The following MTUS2 variants were observed in gnomAD, a reference collection of about 807,000 sequenced individuals.
The protein encoded by MTUS2 is microtubule-associated tumor suppressor candidate 2.
A neutral mutation model predicts 114.1 loss-of-function variants in MTUS2; 40 were observed. The ratio of observed to expected loss-of-function variants is 0.35; its 90% CI spans 0.27 to 0.46. MTUS2 has a LOEUF of 0.46. Ranked by LOEUF, MTUS2 falls within the 20% of genes least tolerant of loss-of-function variation. The probability of loss-of-function intolerance (pLI) is 1.00; values close to 1 mark genes in which losing one functional copy is unlikely to be tolerated. For missense variants in MTUS2, 1,679 were observed against 1,705.4 expected, an observed-to-expected ratio of 0.98 and a Z score of 0.27; for synonymous variants, 688 against 672.0, an observed-to-expected ratio of 1.02 and a Z score of -0.37.
intron 5 of MTUS2, among the ~76,000 whole-genome samples, chr13:29,161,765 C>G (rs1236325071): frequency 6.6e-6 from 1 of 152,256 alleles, no homozygotes; most frequent in African/African-American, 2.4e-5. Context: ...CCCCTGCTCC[C>G]TGACCTAGCA....
intron 5 of MTUS2, among the ~76,000 whole-genome samples, chr13:29,146,655 A>G (rs778274992): frequency 4.9e-4 from 74 of 152,226 alleles, no homozygotes; most frequent in Non-Finnish European, 8.8e-4. Context: ...AAATTATCCA[A>G]CAAGAAAGGC....
intron 9 of MTUS2, among the ~76,000 whole-genome samples, chr13:29,464,313 G>A (rs932202452): frequency 6.6e-6 from 1 of 152,254 alleles, no homozygotes; most frequent in Non-Finnish European, 1.5e-5. Flanking sequence ...CTAGCCAGGA[G>A]GGCACAGCCT....
At chr13:29,493,367 A>G (rs938338193) in intron 12 of MTUS2, among the ~76,000 whole-genome samples, 1 of 152,138 alleles carries the variant, frequency 6.6e-6, no homozygotes, top group African/African-American at 2.4e-5. Context: ...CCCCAGCCCC[A>G]TGGAAGAGCT....
chr13:29,244,011 T>C (rs977828913), intron 5 of MTUS2, among the ~76,000 whole-genome samples: 16 of 152,004 alleles, frequency 1.1e-4, no homozygotes, highest in African/African-American at 3.9e-4. Context: ...TGAACATGAG[T>C]ATGTTTGTAG....
chr13:29,286,392 G>A (rs561561795), intron 6 of MTUS2, among the ~76,000 whole-genome samples: 74 of 152,284 alleles, frequency 4.9e-4, no homozygotes, highest in Middle Eastern at 3.4e-3. Context: ...CTGGCCACAC[G>A]TAGCTCTTTG....
At chr13:28,960,288 A>T (rs577352226) in intron 2 of MTUS2, among the ~76,000 whole-genome samples, 62 of 152,342 alleles carry the variant, frequency 4.1e-4, no homozygotes, top group African/African-American at 1.4e-3. Flanking sequence ...GTGGGATTAT[A>T]AAATGGTACA....
At chr13:29,297,469 A>T (rs992055547) in intron 6 of MTUS2, among the ~76,000 whole-genome samples, 2 of 152,186 alleles carry the variant, frequency 1.3e-5, no homozygotes, top group Non-Finnish European at 1.5e-5. Flanking sequence ...CCCTAGTCAT[A>T]CAACTTCTTT....
chr13:29,125,003 G>A (rs1400381008), intron 5 of MTUS2, among the ~76,000 whole-genome samples: 1 of 152,214 alleles, frequency 6.6e-6, no homozygotes, highest in Non-Finnish European at 1.5e-5. Flanking sequence ...AAATTCTGGA[G>A]ATGGATGGTT....
intron 7 of MTUS2, among the ~76,000 whole-genome samples, chr13:29,332,643 TTTTTTTTC>T (rs944645091): frequency 3.1e-5 from 3 of 96,324 alleles, no homozygotes; most frequent in Non-Finnish European, 5.3e-5. Context: ...CTTTTTTTTT[TTTTTTTTC>T]GGACACAGAG....
intron 8 of MTUS2, among the ~76,000 whole-genome samples, chr13:29,426,163 C>T (rs374466278): frequency 2.0e-5 from 3 of 152,138 alleles, no homozygotes; most frequent in Non-Finnish European, 4.4e-5. Flanking sequence ...AGCTGTTTGC[C>T]TCCGGATAAA....
At chr13:29,307,619 T>C (rs1899536164) in intron 6 of MTUS2, 8 of 1,168,406 alleles carry the variant, frequency 6.8e-6, no homozygotes, top group Non-Finnish European at 1.0e-5. Context: ...GAGTACCAGC[T>C]TGTCTCCTCT....
chr13:29,102,389 A>T (rs1310289825), intron 5 of MTUS2, among the ~76,000 whole-genome samples: 11 of 152,240 alleles, frequency 7.2e-5, no homozygotes, highest in African/African-American at 2.7e-4. Flanking sequence ...CCTCAAGGCA[A>T]GATGAGCCAT....
intron 9 of MTUS2, among the ~76,000 whole-genome samples, chr13:29,460,061 A>G (rs774859876): frequency 6.6e-6 from 1 of 152,222 alleles, no homozygotes; most frequent in Non-Finnish European, 1.5e-5. Context: ...CTGAATGCCA[A>G]TGAAATATCA....
chr13:29,374,131 A>G (rs576448816), intron 8 of MTUS2, among the ~76,000 whole-genome samples: 4 of 151,938 alleles, frequency 2.6e-5, no homozygotes, highest in Admixed American at 1.3e-4. Flanking sequence ...AAGATAGATC[A>G]GTAGAAATTG....
At chr13:29,474,879 TTCTG>T (rs1880580071) in intron 9 of MTUS2, among the ~76,000 whole-genome samples, 1 of 152,226 alleles carries the variant, frequency 6.6e-6, no homozygotes, top group African/African-American at 2.4e-5. Flanking sequence ...TTTATATGTG[TTCTG>T]TCTGTTTTAT....
intron 8 of MTUS2, among the ~76,000 whole-genome samples, chr13:29,374,036 G>A (rs1257512686): frequency 6.6e-6 from 1 of 152,068 alleles, no homozygotes; most frequent in East Asian, 1.9e-4. Flanking sequence ...ATACACAGAA[G>A]AAACAAGTGG....
chr13:29,223,688 T>G (rs960048120), intron 5 of MTUS2, among the ~76,000 whole-genome samples: 2 of 152,182 alleles, frequency 1.3e-5, no homozygotes, highest in African/African-American at 4.8e-5. Context: ...CCAAAAGAAC[T>G]GTAACACAAA....
At chr13:29,327,364 T>C (rs1397457891) in intron 7 of MTUS2, among the ~76,000 whole-genome samples, 1 of 152,122 alleles carries the variant, frequency 6.6e-6, no homozygotes, top group Non-Finnish European at 1.5e-5. Context: ...CCTTCCAAGT[T>C]TCCTGGGACC....
intron 9 of MTUS2, among the ~76,000 whole-genome samples, chr13:29,447,517 G>T (rs758682964): frequency 1.3e-5 from 2 of 151,620 alleles, no homozygotes; most frequent in Non-Finnish European, 2.9e-5. Context: ...TTTAGGGCTA[G>T]GATAATTACC....
Sources: allele counts gnomAD v4.1 joint callset (sites outside exome capture counted in the v4.1 genomes callset), GRCh38; gene constraint gnomAD v4.1.1; transcripts MANE v1.5; gene names NCBI Gene and HGNC (gene_info 2026-07-23, HGNC 2026-07-21).